The following DNAJC10 variants were observed in gnomAD, a reference collection of about 807,000 sequenced individuals.
DNAJC10 encodes the protein DnaJ heat shock protein family (Hsp40) member C10.
In DNAJC10, 101 loss-of-function variants were observed where a neutral mutation model predicts 115.0. The observed-to-expected ratio is 0.88, with a 90% CI of 0.75 to 1.04. DNAJC10 has a LOEUF of 1.04. Ranked by LOEUF, DNAJC10 falls within the 50% of genes least tolerant of loss-of-function variation. DNAJC10 has a pLI of 0.00. For synonymous variants in DNAJC10, 307 were observed against 301.5 expected (o/e 1.02, Z -0.19); for missense variants, 981 against 928.8 (o/e 1.06, Z -0.73).
intron 22 of DNAJC10, among the ~76,000 whole-genome samples, chr2:182,769,987 A>G (rs974736310): frequency 1.3e-5 from 2 of 152,084 alleles, no homozygotes; most frequent in African/African-American, 4.8e-5. Context: ...ATCTTGAATT[A>G]ATTTTTGTAT....
At position 182,757,724 on chromosome 2, in the gene DNAJC10, A is replaced by G; in HGVS notation, c.1842A>G (p.Ile614Met). The change falls in exon 19 of 24, where the codon ATA (isoleucine) becomes ATG (methionine). Residue 614 changes from isoleucine to methionine, a missense_variant. By Grantham distance (10) the Ile-to-Met change is conservative. Coordinates refer to ENST00000264065, the MANE Select transcript of DNAJC10 (RefSeq NM_018981.4). ...CTGGACTGATCAACGTGGGCAGTAT[A>G]GATTGCCAACAGTATCATTCTTTTT... ...TLTGLINVGS[I>M]DCQQYHSFCA... 2 of 1,600,412 alleles carry G rather than the reference A, an allele frequency of 1.2e-6. No homozygotes were observed. The highest frequency in any genetic ancestry group is 1.1e-5 in the South Asian group (1 of 87,730).
chr2:182,787,211 C>T lies in DNAJC10; in HGVS notation c.*10079C>T, dbSNP rs556715635. Reference sequence around the variant, plus strand: ...AGAGGAGCTGGTCCACAGTCATAGGCGTTAAACTTCTTTTGGAAACTATAC... The same window carrying T: ...AGAGGAGCTGGTCCACAGTCATAGGTGTTAAACTTCTTTTGGAAACTATAC... On this transcript the variant is annotated 3_prime_UTR_variant, in exon 24 of 24. Coordinates refer to ENST00000264065, the MANE Select transcript of DNAJC10 (RefSeq NM_018981.4). The T allele has an allele frequency of 2.0e-5, 3 of 152,282 alleles. No individual in the cohort carries two copies. In the South Asian group the frequency reaches 6.2e-4, roughly 32 times the overall value. The allele number at this position is 152,282 out of a possible 1,614,324, so 9.4% of individuals were successfully genotyped here.
intron 22 of DNAJC10, among the ~76,000 whole-genome samples, chr2:182,768,929 A>G (rs1325367529): frequency 6.6e-6 from 1 of 151,922 alleles, no homozygotes; most frequent in East Asian, 1.9e-4. Flanking sequence ...GCACCCATCA[A>G]CTCATCATTT....
chr2:182,772,218 T>A (rs1294963758), intron 22 of DNAJC10, among the ~76,000 whole-genome samples: 2 of 152,236 alleles, frequency 1.3e-5, no homozygotes, highest in Non-Finnish European at 2.9e-5. Flanking sequence ...TTACATTTGC[T>A]GAGGAGTGTT....
Position 182,720,122 on chromosome 2 carries a change from A to G in DNAJC10, c.320A>G (p.Asn107Ser). ...TATGGAGAAAAGGGACTTGAGGATAATCAAGGTGGCCAGTATGAAAGCTGG... is the reference window on the plus strand; with the variant it reads ...TATGGAGAAAAGGGACTTGAGGATAGTCAAGGTGGCCAGTATGAAAGCTGG... ...DKYGEKGLED[N>S]QGGQYESWNY... The change falls in exon 4 of 24, where the codon AAT becomes AGT. Residue 107 changes from asparagine (N) to serine (S), a missense_variant. Coordinates refer to ENST00000264065, the MANE Select transcript of DNAJC10 (RefSeq NM_018981.4). 1 of 1,612,354 alleles carries G rather than the reference A, an allele frequency of 6.2e-7. No homozygotes were observed. The highest frequency in any genetic ancestry group is 8.5e-7 in the Non-Finnish European group (1 of 1,179,146).
In DNAJC10 at chr2:182,785,829, G is replaced by A. The variant is rs967100380; in HGVS notation, c.*8697G>A. 3 of 151,970 alleles carry A rather than the reference G, an allele frequency of 2.0e-5. No individual in the cohort carries two copies. The highest frequency in any genetic ancestry group is 4.4e-5 in the Non-Finnish European group (3 of 67,992). 9.4% of individuals were successfully genotyped at this position (151,970 alleles called of 1,614,324 possible). On this transcript the variant is annotated 3_prime_UTR_variant, in exon 24 of 24. Coordinates refer to ENST00000264065, the MANE Select transcript of DNAJC10 (RefSeq NM_018981.4). Reference sequence around the variant, plus strand: ...TTTCATATATATATGAAACAGTTGGGGAAATCAGAATATTTGAATTTGATA... The same window carrying A: ...TTTCATATATATATGAAACAGTTGGAGAAATCAGAATATTTGAATTTGATA...
Position 182,759,158 on chromosome 2 carries a change from A to G in DNAJC10, c.1998-2A>G. The G allele has an allele frequency of 6.4e-7, 1 of 1,568,930 alleles. No individual in the cohort carries two copies. ...AAAAATGATTTTGATCATTTGCCAC[A>G]GATTTTTACCTCAAGTATCCACAGA... On this transcript the variant is annotated splice_acceptor_variant, in intron 20 of 23. Coordinates refer to ENST00000264065, the MANE Select transcript of DNAJC10 (RefSeq NM_018981.4). LOFTEE classifies it high-confidence loss of function.
chr2:182,792,335 G>C lies in DNAJC10; in HGVS notation c.*15203G>C, dbSNP rs1695066701. Reference sequence around the variant, plus strand: ...TTTGTGAGGGGTTTTGAGGGTTGTGGAACAGGATAACATTTTGAGGTACAA... The same window carrying C: ...TTTGTGAGGGGTTTTGAGGGTTGTGCAACAGGATAACATTTTGAGGTACAA... On this transcript the variant is annotated 3_prime_UTR_variant, in exon 24 of 24. Transcript: ENST00000264065. The C allele has an allele frequency of 6.6e-6, 1 of 152,096 alleles. No individual in the cohort carries two copies. Among genetic ancestry groups the C allele is most frequent in the South Asian group, 2.1e-4 (1 of 4,832 alleles). The allele number at this position is 152,096 out of a possible 1,614,324, so 9.4% of individuals were successfully genotyped here.
At position 182,741,259 on chromosome 2, in the gene DNAJC10, A is replaced by G. The variant is rs1241995834; in HGVS notation, c.1094A>G (p.His365Arg). ...ANTLEDRLAH[H>R]RWLLFFHFGK... ...ACTTTTAAGGATCGTTTGGCTCATC[A>G]TCGGTGGCTGTTATTTTTTCATTTT... Residue 365 changes from histidine to arginine, a missense_variant, in exon 13 of 24, where the codon CAT becomes CGT. Physicochemically the swap from His to Arg is conservative, Grantham distance 29. Coordinates refer to ENST00000264065, the MANE Select transcript of DNAJC10 (RefSeq NM_018981.4). 12 of 1,603,958 alleles carry G rather than the reference A, an allele frequency of 7.5e-6. No homozygotes were observed. The highest frequency in any genetic ancestry group is 6.9e-5 in the Admixed American group (4 of 58,332).
chr2:182,746,957 A>G (rs1693884150), intron 14 of DNAJC10, among the ~76,000 whole-genome samples: 1 of 151,632 alleles, frequency 6.6e-6, no homozygotes, highest in African/African-American at 2.4e-5. Flanking sequence ...ATGGCTAGCC[A>G]GTTTTCCCAG....
Position 182,784,788 on chromosome 2 carries a change from A to G in DNAJC10, c.*7656A>G, listed in dbSNP as rs1051914366. 3.3e-5 allele frequency: 5 copies of G among 152,210 alleles called. No homozygotes were observed. Among genetic ancestry groups the G allele is most frequent in the African/African-American group, 1.2e-4 (5 of 41,462 alleles). 9.4% of individuals were successfully genotyped at this position (152,210 alleles called of 1,614,324 possible). A position where few individuals can be genotyped will look rare whatever the true frequency, so the allele number is the denominator to read the frequency against. On this transcript the variant is annotated 3_prime_UTR_variant, in exon 24 of 24. Transcript: ENST00000264065. ...CTATTCTTTTGAAAGGAACTTTCTCAAAGGATTTTTAGGGCTTCATAATTT... is the reference window on the plus strand; with the variant it reads ...CTATTCTTTTGAAAGGAACTTTCTCGAAGGATTTTTAGGGCTTCATAATTT...
chr2:182,745,879 G>A (rs568207864), intron 14 of DNAJC10, among the ~76,000 whole-genome samples: 1 of 151,938 alleles, frequency 6.6e-6, no homozygotes, highest in African/African-American at 2.4e-5. Flanking sequence ...CCCATGCTAT[G>A]TCTCCCCACT....
In DNAJC10 at chr2:182,740,372, C is replaced by T. The variant is rs201843743; in HGVS notation, c.1061C>T (p.Ser354Leu). 9.5e-6 allele frequency: 15 copies of T among 1,572,190 alleles called. No individual in the cohort carries two copies. The highest frequency in any genetic ancestry group is 1.9e-5 in the Admixed American group (1 of 53,010). ...AATCTTCCAGATTTTGAACTACTTT[C>T]GGCAAACACACTAGAGGTAATGTTT... ...IHNLPDFELL[S>L]ANTLEDRLAH... Residue 354 changes from serine (S) to leucine (L), a missense_variant, in exon 12 of 24, where the codon TCG (serine) becomes TTG (leucine). Transcript: ENST00000264065.
Position 182,778,886 on chromosome 2 carries a change from C to G in DNAJC10, c.*1754C>G, listed in dbSNP as rs1694776846. The G allele has an allele frequency of 6.6e-6, 1 of 152,198 alleles. No individual in the cohort carries two copies. Among genetic ancestry groups the G allele is most frequent in the Admixed American group, 6.5e-5 (1 of 15,276 alleles). The allele number at this position is 152,198 out of a possible 1,614,324, so 9.4% of individuals were successfully genotyped here. A position where few individuals can be genotyped will look rare whatever the true frequency, so the allele number is the denominator to read the frequency against. Reference sequence around the variant, plus strand: ...TAAAGAAGTCTTACTTGGGTAAATACTTACTAAAATATACTGGTTATGTGC... The same window carrying G: ...TAAAGAAGTCTTACTTGGGTAAATAGTTACTAAAATATACTGGTTATGTGC... On this transcript the variant is annotated 3_prime_UTR_variant, in exon 24 of 24. Transcript: ENST00000264065.
chr2:182,765,231 GA>G (rs1392376899), intron 22 of DNAJC10, among the ~76,000 whole-genome samples: 6 of 151,450 alleles, frequency 4.0e-5, no homozygotes, highest in African/African-American at 2.4e-5. Flanking sequence ...CTATTATGGG[GA>G]AAAAAAGGGG....
At chr2:182,771,093 T>C (rs567047961) in intron 22 of DNAJC10, among the ~76,000 whole-genome samples, 66 of 152,332 alleles carry the variant, frequency 4.3e-4, no homozygotes, top group African/African-American at 1.4e-3. Flanking sequence ...GTTCTGTTTA[T>C]GTGAAGGATT....
In DNAJC10 at chr2:182,788,734, T is replaced by G. The variant is rs1318409266; in HGVS notation, c.*11602T>G. 2 of 438,038 alleles carry G rather than the reference T, an allele frequency of 4.6e-6. No individual in the cohort carries two copies. 27.1% of individuals were successfully genotyped at this position (438,038 alleles called of 1,614,324 possible). ...TATCTCAGAGGAAATCCAGGGAAGT[T>G]CCTACTTGGGAAAACGGAAAGGTAG... On this transcript the variant is annotated 3_prime_UTR_variant, in exon 24 of 24. Transcript: ENST00000264065.
At position 182,718,229 on chromosome 2, in the gene DNAJC10, G is replaced by A. The variant is rs746434672; in HGVS notation, c.143G>A (p.Ser48Asn). ...CTTGGAGTGTCCAAAACTGCAAGCA[G>A]TAGAGAAATAAGACAAGCTTTCAAG... ...SLLGVSKTASSREIRQAFKKL... is the reference protein window; with the variant it reads ...SLLGVSKTASNREIRQAFKKL... Residue 48 changes from serine to asparagine, a missense_variant, in exon 3 of 24, where the codon AGT (serine) becomes AAT (asparagine). By Grantham distance (46) the Ser-to-Asn change is conservative. Coordinates refer to ENST00000264065, the MANE Select transcript of DNAJC10 (RefSeq NM_018981.4). 6.2e-7 allele frequency: 1 copy of A among 1,613,144 alleles called. No homozygotes were observed. The highest frequency in any genetic ancestry group is 1.7e-5 in the Admixed American group (1 of 59,936).
At chr2:182,746,835 G>A (rs983240688) in intron 14 of DNAJC10, among the ~76,000 whole-genome samples, 8 of 151,856 alleles carry the variant, frequency 5.3e-5, no homozygotes, top group South Asian at 2.1e-4. Flanking sequence ...TAATGCCTAG[G>A]TTTTCTTCTA....
Sources: gnomAD v4.1 joint callset for allele counts (sites outside exome capture counted in the v4.1 genomes callset) on GRCh38, gnomAD v4.1.1 for gene constraint, MANE v1.5 for transcripts, NCBI Gene and HGNC (gene_info 2026-07-23, HGNC 2026-07-21) for gene names.